TRIM66: variants seen among roughly 807,000 people sequenced by gnomAD.
The protein encoded by TRIM66 is tripartite motif containing 66.
In TRIM66, 99 loss-of-function variants were observed where a neutral mutation model predicts 148.2. The ratio of observed to expected loss-of-function variants is 0.67; its 90% CI spans 0.57 to 0.79. The LOEUF (loss-of-function observed/expected upper bound fraction) is 0.79. Ranked by LOEUF, TRIM66 falls within the 30% of genes least tolerant of loss-of-function variation. The probability of loss-of-function intolerance (pLI) is 0.00; values close to 1 mark genes in which losing one functional copy is unlikely to be tolerated. For missense variants in TRIM66, 1,666 were observed against 1,697.9 expected, an observed-to-expected ratio of 0.98 and a Z score of 0.33; for synonymous variants, 616 against 635.9, an observed-to-expected ratio of 0.97 and a Z score of 0.47.
intron 6 of TRIM66, among the ~76,000 whole-genome samples, chr11:8,670,789 A>G (rs1029532591): frequency 6.6e-6 from 1 of 152,216 alleles, no homozygotes; most frequent in Non-Finnish European, 1.5e-5. Flanking sequence ...ATCAAAATAG[A>G]TCGTATCTTT....
chr11:8,622,301 A>G (rs964588656), intron 18 of TRIM66, among the ~76,000 whole-genome samples: 11 of 141,510 alleles, frequency 7.8e-5, no homozygotes, highest in African/African-American at 2.1e-4. Flanking sequence ...GTATATATAT[A>G]TGTGTGTGTG....
intron 3 of TRIM66, among the ~76,000 whole-genome samples, chr11:8,676,743 T>C (rs2039197213): frequency 6.6e-6 from 1 of 152,186 alleles, no homozygotes; most frequent in African/African-American, 2.4e-5. Context: ...ATAACTTAGT[T>C]CTTCCCTCTC....
chr11:8,668,018 T>C (rs928924401), intron 6 of TRIM66, among the ~76,000 whole-genome samples: 4 of 152,220 alleles, frequency 2.6e-5, no homozygotes, highest in Non-Finnish European at 4.4e-5. Flanking sequence ...CTGTATTATA[T>C]TCCCTCCAAC....
rs907403378 is a variant in TRIM66 at position 8,615,552 on chromosome 11, T to C, written c.*2392A>G. 1.3e-5 allele frequency: 2 copies of C among 151,992 alleles called. No individual in the cohort carries two copies. The highest frequency in any genetic ancestry group is 2.9e-5 in the Non-Finnish European group (2 of 67,992). The allele number at this position is 151,992 out of a possible 1,614,324, so 9.4% of individuals were successfully genotyped here. A position where few individuals can be genotyped will look rare whatever the true frequency, so the allele number is the denominator to read the frequency against. On this transcript the variant is annotated 3_prime_UTR_variant, in exon 25 of 25. Transcript: ENST00000646038. Reference sequence around the variant, plus strand: ...TTTTTTTTTTTTAATTTCTAAGTCATGTTCTGGTTTTTGCATGCAAAAACA... The same window carrying C: ...TTTTTTTTTTTTAATTTCTAAGTCACGTTCTGGTTTTTGCATGCAAAAACA...
chr11:8,662,478 C>A (rs1440413693), intron 6 of TRIM66, among the ~76,000 whole-genome samples: 5 of 152,124 alleles, frequency 3.3e-5, no homozygotes. Context: ...GGGATGCTGT[C>A]ACTCTTCACT....
intron 15 of TRIM66, 78 bp downstream of exon 15, chr11:8,638,576 A>ATCC (rs1388599714): frequency 1.6e-5 from 24 of 1,482,742 alleles, no homozygotes; most frequent in Non-Finnish European, 1.8e-5. Context: ...CCCCCACCCT[A>ATCC]TCCTCCTCCT....
intron 13 of TRIM66, 101 bp from the exon 14 acceptor site, chr11:8,641,253 T>A: frequency 9.5e-7 from 1 of 1,057,884 alleles, no homozygotes; most frequent in Non-Finnish European, 1.3e-6. Context: ...AACAATCCTG[T>A]ACCAGGAACA....
intron 15 of TRIM66, among the ~76,000 whole-genome samples, chr11:8,633,182 C>A (rs2035571449): frequency 6.6e-6 from 1 of 152,106 alleles, no homozygotes; most frequent in African/African-American, 2.4e-5. Flanking sequence ...ATTAGCCAGG[C>A]ATGGTGGAAC....
At chr11:8,674,207 A>AT (rs1433952700) in intron 4 of TRIM66, among the ~76,000 whole-genome samples, 1 of 152,226 alleles carries the variant, frequency 6.6e-6, no homozygotes, top group Non-Finnish European at 1.5e-5. Context: ...TATGTGAACT[A>AT]TTGCTATTTA....
chr11:8,628,652 A>T (rs1297071573), intron 15 of TRIM66, among the ~76,000 whole-genome samples: 2 of 147,900 alleles, frequency 1.4e-5, no homozygotes, highest in Non-Finnish European at 3.0e-5. Flanking sequence ...GAGAATCCAG[A>T]TCTTTGGTAC....
Position 8,672,245 on chromosome 11 carries a change from C to A in TRIM66, c.27+3G>T, listed in dbSNP as rs376890680. On this transcript the variant is annotated splice_donor_region_variant and intron_variant, in intron 5 of 24. Coordinates refer to ENST00000646038, the MANE Select transcript of TRIM66 (RefSeq NM_001388022.1). ...GGCTCATGCCTCAGCCTCAGTTCCT[C>A]ACCTGGGACCAAAAAGAGAGTCTAG... The A allele has an allele frequency of 1.2e-5, 18 of 1,536,142 alleles. No homozygotes were observed. In the African/African-American group the frequency reaches 2.2e-4, roughly 19 times the overall value.
chr11:8,646,111 A>G (rs1210903520), intron 11 of TRIM66, among the ~76,000 whole-genome samples: 1 of 152,188 alleles, frequency 6.6e-6, no homozygotes. Context: ...GTAATAAATG[A>G]AAGAGGAAAT....
In TRIM66 at chr11:8,621,689, G is replaced by A; in HGVS notation, c.3211C>T (p.Leu1071=). Residue 1071 remains leucine, a synonymous_variant, in exon 19 of 25, where the codon CTG becomes TTG. Coordinates refer to ENST00000646038, the MANE Select transcript of TRIM66 (RefSeq NM_001388022.1). Reference sequence around the variant, plus strand: ...GACTCAGTGCCACACTCGATGATCAGCAGGAAGCTCCCATCCTGATCATTC... The same window carrying A: ...GACTCAGTGCCACACTCGATGATCAACAGGAAGCTCCCATCCTGATCATTC... ...QKNDQDGSFL[L]IIECGTESSS... The A allele has an allele frequency of 6.4e-7, 1 of 1,550,528 alleles. No individual in the cohort carries two copies. Among genetic ancestry groups the A allele is most frequent in the South Asian group, 1.2e-5 (1 of 83,816 alleles).
chr11:8,624,648 C>T, intron 16 of TRIM66, 65 bp downstream of exon 16: 1 of 1,475,510 alleles, frequency 6.8e-7, no homozygotes, highest in Non-Finnish European at 9.0e-7. Context: ...ATAAGGGTCC[C>T]AGTGGCCAAT....
chr11:8,657,866 ACTG>A (rs2037966169), intron 6 of TRIM66, among the ~76,000 whole-genome samples: 1 of 152,188 alleles, frequency 6.6e-6, no homozygotes, highest in African/African-American at 2.4e-5. Flanking sequence ...CCCTAAAGTG[ACTG>A]CTGCTTCTGC....
intron 18 of TRIM66, 62 bp downstream of exon 18, chr11:8,622,754 T>C (rs187765851): frequency 2.1e-6 from 3 of 1,440,682 alleles, no homozygotes; most frequent in Admixed American, 2.0e-5. Context: ...GCTTCATCCC[T>C]GTGCCAGCAT....
rs1333892965 is a variant in TRIM66 at position 8,638,076 on chromosome 11, T to C, written c.2310+578A>G. Among the ~76,000 whole-genome samples, 7 of 152,198 alleles carry C rather than the reference T, an allele frequency of 4.6e-5. No homozygotes were observed. In the East Asian group the frequency reaches 9.6e-4, roughly 21 times the overall value. On this transcript the variant is annotated intron_variant, in intron 15 of 24. Coordinates refer to ENST00000646038, the MANE Select transcript of TRIM66 (RefSeq NM_001388022.1). ...TGTCTCAGCTGCTCATCTACCTCTGTAGAACATCCCTGCAGATCACTCACC... is the reference window on the plus strand; with the variant it reads ...TGTCTCAGCTGCTCATCTACCTCTGCAGAACATCCCTGCAGATCACTCACC...
At chr11:8,638,570 C>G (rs34655699) in intron 15 of TRIM66, 84 bp downstream of exon 15, 241,839 of 1,458,948 alleles carry the variant, frequency 0.17, 22,082 homozygotes, top group East Asian at 0.29. Flanking sequence ...CTCCTCCCCC[C>G]ACCCTATCCT....
chr11:8,628,633 A>AG (rs1488889515), intron 15 of TRIM66, among the ~76,000 whole-genome samples: 117 of 117,002 alleles, frequency 1.0e-3, no homozygotes, highest in South Asian at 2.2e-3. Context: ...AAAAAAAAAA[A>AG]AAAAGAGAGA....
Sources: gnomAD v4.1 joint callset for allele counts (sites outside exome capture counted in the v4.1 genomes callset) on GRCh38, gnomAD v4.1.1 for gene constraint, MANE v1.5 for transcripts, NCBI Gene and HGNC (gene_info 2026-07-23, HGNC 2026-07-21) for gene names.